EDAR: variants seen among roughly 807,000 people sequenced by gnomAD.
The protein encoded by EDAR is tumor necrosis factor receptor superfamily member EDAR.
Under a neutral mutation model 51.3 loss-of-function variants are expected in EDAR, and 38 were observed. That is an observed-to-expected ratio of 0.74 (90% CI 0.57 to 0.97). The LOEUF is 0.97. EDAR is among the 50% of genes least tolerant of loss of function. The pLI, the probability that EDAR is intolerant of heterozygous loss-of-function variation, is 0.00. For missense variants in EDAR, 528 were observed against 595.0 expected (o/e 0.89, Z 1.17); for synonymous variants, 227 against 242.1 (o/e 0.94, Z 0.58).
chr2:108,961,198 A>C (rs1260848426), intron 1 of EDAR, among the ~76,000 whole-genome samples: 1 of 152,200 alleles, frequency 6.6e-6, no homozygotes, highest in Non-Finnish European at 1.5e-5. Flanking sequence ...CAGACAGAAA[A>C]AGAAGACTGA....
At chr2:108,947,041 G>C (rs760402865) in intron 1 of EDAR, among the ~76,000 whole-genome samples, 2 of 152,184 alleles carry the variant, frequency 1.3e-5, no homozygotes, top group Non-Finnish European at 2.9e-5. Context: ...TCAAAAGCAA[G>C]TTAGTTACTT....
At chr2:108,928,790 T>C (rs982238818) in intron 4 of EDAR, among the ~76,000 whole-genome samples, 3 of 152,358 alleles carry the variant, frequency 2.0e-5, no homozygotes, top group East Asian at 3.9e-4. Context: ...ATAGGTATCA[T>C]ATGACTCAAA....
At chr2:108,909,348 C>G (rs1278991214) in intron 9 of EDAR, among the ~76,000 whole-genome samples, 1 of 152,178 alleles carries the variant, frequency 6.6e-6, no homozygotes, top group Non-Finnish European at 1.5e-5. Flanking sequence ...TGCAGGGTGA[C>G]CAGGTCCTGC....
chr2:108,963,374 C>T (rs780830238), intron 1 of EDAR, among the ~76,000 whole-genome samples: 3 of 152,242 alleles, frequency 2.0e-5, no homozygotes, highest in South Asian at 2.1e-4. Flanking sequence ...CTAGAGCCGA[C>T]GTTCTAAAAT....
chr2:108,937,963 GAT>G (rs1245711735), intron 1 of EDAR, among the ~76,000 whole-genome samples: 1 of 152,320 alleles, frequency 6.6e-6, no homozygotes, highest in Non-Finnish European at 1.5e-5. Context: ...TTTGAATTGA[GAT>G]AATACTCAGA....
intron 1 of EDAR, among the ~76,000 whole-genome samples, chr2:108,976,865 C>A: frequency 6.6e-6 from 1 of 152,100 alleles, no homozygotes. Flanking sequence ...GTGCTCCAGG[C>A]TCCTCTTGTA....
chr2:108,967,927 C>T (rs188585915), intron 1 of EDAR, among the ~76,000 whole-genome samples: 3 of 152,262 alleles, frequency 2.0e-5, no homozygotes, highest in East Asian at 3.9e-4. Flanking sequence ...CTGTCAAATC[C>T]GGCTTTGCGG....
intron 1 of EDAR, among the ~76,000 whole-genome samples, chr2:108,976,172 C>A (rs116773613): frequency 0.018 from 2,711 of 152,330 alleles, 76 homozygotes; most frequent in African/African-American, 0.061. Context: ...TACATTTAAT[C>A]ATCACACATC....
intron 11 of EDAR, among the ~76,000 whole-genome samples, chr2:108,900,653 T>C (rs1476920995): frequency 6.6e-6 from 1 of 151,782 alleles, no homozygotes. Context: ...TTCCCAGTTA[T>C]ATGCTGCCTA....
chr2:108,943,905 C>T (rs1250656225), intron 1 of EDAR, among the ~76,000 whole-genome samples: 1 of 152,214 alleles, frequency 6.6e-6, no homozygotes, highest in East Asian at 1.9e-4. Context: ...CCCACTGCAC[C>T]TCAGTTACGT....
At chr2:108,978,430 C>G (rs1034375465) in intron 1 of EDAR, among the ~76,000 whole-genome samples, 3 of 152,158 alleles carry the variant, frequency 2.0e-5, no homozygotes, top group Admixed American at 1.3e-4. Flanking sequence ...CGTGTCTTTG[C>G]TAATCTGTGG....
chr2:108,958,354 C>T (rs1697964291), intron 1 of EDAR, among the ~76,000 whole-genome samples: 2 of 151,700 alleles, frequency 1.3e-5, no homozygotes, highest in Non-Finnish European at 2.9e-5. Flanking sequence ...GATAAATACA[C>T]AGGGAATTGC....
chr2:108,907,182 A>T (rs972446111), intron 10 of EDAR, among the ~76,000 whole-genome samples: 12 of 152,240 alleles, frequency 7.9e-5, no homozygotes, highest in Non-Finnish European at 1.5e-4. Flanking sequence ...TTATATTTTT[A>T]AAAATGCATA....
At position 108,986,808 on chromosome 2, in the gene EDAR, C is replaced by T. The variant is rs145127765; in HGVS notation, c.-19+2152G>A. 6.6e-3 allele frequency among the ~76,000 whole-genome samples: 1,003 copies of T among 152,254 alleles called. 11 individuals are homozygous for T. Among genetic ancestry groups the T allele is most frequent in the African/African-American group, 0.022 (933 of 41,542 alleles). ...AAAAAAAATTCCTTCCTGCAATATACGAATTCAGTAAGGACAGAATCGTAG... is the reference window on the plus strand; with the variant it reads ...AAAAAAAATTCCTTCCTGCAATATATGAATTCAGTAAGGACAGAATCGTAG... On this transcript the variant is annotated intron_variant, in intron 1 of 11. Transcript: ENST00000258443.
chr2:108,919,737 C>T (rs891502437), intron 5 of EDAR, among the ~76,000 whole-genome samples: 8 of 152,112 alleles, frequency 5.3e-5, no homozygotes, highest in Non-Finnish European at 1.2e-4. Context: ...GAACTGTAGC[C>T]GGGCCAGAGC....
At chr2:108,980,475 T>A (rs112416424) in intron 1 of EDAR, among the ~76,000 whole-genome samples, 45 of 152,192 alleles carry the variant, frequency 3.0e-4, no homozygotes, top group African/African-American at 1.1e-3. Flanking sequence ...ATATATATAT[T>A]CACATATATA....
intron 5 of EDAR, among the ~76,000 whole-genome samples, 184 bp from the exon 6 acceptor site, chr2:108,912,948 C>CTT (rs373117728): frequency 2.3e-4 from 32 of 139,174 alleles, no homozygotes; most frequent in African/African-American, 2.9e-4. Flanking sequence ...CGTTATTGTT[C>CTT]TTTTTTTTTT....
intron 5 of EDAR, among the ~76,000 whole-genome samples, chr2:108,918,059 G>A (rs975256470): frequency 5.9e-5 from 9 of 152,316 alleles, no homozygotes; most frequent in African/African-American, 1.9e-4. Flanking sequence ...TGCACGTGAT[G>A]TCTAAAAGAG....
At chr2:108,959,609 C>T (rs1697998335) in intron 1 of EDAR, among the ~76,000 whole-genome samples, 1 of 152,158 alleles carries the variant, frequency 6.6e-6, no homozygotes, top group Non-Finnish European at 1.5e-5. Flanking sequence ...CTCACACACC[C>T]TTGGGGCTCC....
Sources: allele counts gnomAD v4.1 joint callset (sites outside exome capture counted in the v4.1 genomes callset), GRCh38; gene constraint gnomAD v4.1.1; transcripts MANE v1.5; gene names NCBI Gene and HGNC (gene_info 2026-07-23, HGNC 2026-07-21).